Variants in TBC1D23 observed in about 807,000 individuals in gnomAD.
TBC1D23 encodes HCV non-structural protein 4A-transactivated protein 1.
A neutral mutation model predicts 91.4 loss-of-function variants in TBC1D23; 55 were observed. That is an observed-to-expected ratio of 0.60 (90% confidence interval 0.48 to 0.75). The LOEUF (loss-of-function observed/expected upper bound fraction) is 0.75, where lower values mean the gene tolerates loss of function less well. TBC1D23 is among the 30% of genes least tolerant of loss of function. The pLI is 0.00. For missense variants in TBC1D23, 725 were observed against 836.1 expected, an observed-to-expected ratio of 0.87 and a Z score of 1.64; for synonymous variants, 289 against 281.0, an observed-to-expected ratio of 1.03 and a Z score of -0.28.
At chr3:100,279,476 A>ATT (rs1481131315) in intron 1 of TBC1D23, 173 bp from the exon 2 acceptor site, 1 of 457,850 alleles carries the variant, frequency 2.2e-6, no homozygotes, top group Non-Finnish European at 4.0e-6. Context: ...GACTGTATGA[A>ATT]GCCTGAGATT....
chr3:100,316,289 G>C, intron 16 of TBC1D23, 102 bp downstream of exon 16: 1 of 807,238 alleles, frequency 1.2e-6, no homozygotes, highest in South Asian at 1.5e-5. Context: ...AAAAAAATGA[G>C]ATTCTGTAGA....
intron 1 of TBC1D23, among the ~76,000 whole-genome samples, chr3:100,278,703 G>A (rs2067670587): frequency 6.6e-6 from 1 of 152,024 alleles, no homozygotes; most frequent in South Asian, 2.1e-4. Flanking sequence ...AATTTAACTG[G>A]TTATTTTCTG....
intron 2 of TBC1D23, among the ~76,000 whole-genome samples, chr3:100,280,292 G>A (rs768534082): frequency 6.6e-6 from 1 of 152,042 alleles, no homozygotes; most frequent in African/African-American, 2.4e-5. Flanking sequence ...CAATCAGTGA[G>A]TAAAATAGGA....
intron 9 of TBC1D23, among the ~76,000 whole-genome samples, chr3:100,298,616 C>A (rs3772696): frequency 0.24 from 35,992 of 152,054 alleles, 4,686 homozygotes; most frequent in East Asian, 0.49. Context: ...GGGAAAATAG[C>A]CTTTTATGGT....
chr3:100,320,611 T>C (rs1386075479), intron 17 of TBC1D23, among the ~76,000 whole-genome samples, 166 bp from the exon 18 acceptor site: 1 of 152,198 alleles, frequency 6.6e-6, no homozygotes, highest in East Asian at 1.9e-4. Context: ...TTAAAAGGTG[T>C]TAATGTGTAG....
intron 18 of TBC1D23, 54 bp downstream of exon 18, chr3:100,321,025 T>A: frequency 3.1e-6 from 4 of 1,286,514 alleles, no homozygotes; most frequent in Non-Finnish European, 4.3e-6. Context: ...TCTGAATTAC[T>A]GTAGTTCACT....
At chr3:100,320,082 C>G (rs909636567) in intron 17 of TBC1D23, among the ~76,000 whole-genome samples, 2 of 152,036 alleles carry the variant, frequency 1.3e-5, no homozygotes, top group African/African-American at 4.8e-5. Context: ...TGTTATGTGT[C>G]TTTAGTCTCA....
chr3:100,316,396 G>A (rs1705745432), intron 16 of TBC1D23, among the ~76,000 whole-genome samples: 2 of 152,040 alleles, frequency 1.3e-5, no homozygotes, highest in African/African-American at 2.4e-5. Flanking sequence ...CATGGCACAT[G>A]TATACATATG....
chr3:100,296,860 CAAAAAAA>C (rs71625559), intron 8 of TBC1D23, among the ~76,000 whole-genome samples: 4 of 86,664 alleles, frequency 4.6e-5, no homozygotes, highest in South Asian at 3.7e-4. Flanking sequence ...GACTCTGTCT[CAAAAAAA>C]AAAAAAAAAA....
intron 15 of TBC1D23, among the ~76,000 whole-genome samples, chr3:100,312,541 G>A (rs1008331792): frequency 6.6e-6 from 1 of 152,030 alleles, no homozygotes; most frequent in African/African-American, 2.4e-5. Context: ...AAGACAATAA[G>A]TTTAAGGTTT....
chr3:100,314,818 C>T (rs1705704624), intron 15 of TBC1D23, among the ~76,000 whole-genome samples: 1 of 152,066 alleles, frequency 6.6e-6, no homozygotes, highest in South Asian at 2.1e-4. Context: ...AGGCATGTAA[C>T]TTGATTTTTT....
intron 1 of TBC1D23, among the ~76,000 whole-genome samples, chr3:100,269,380 A>T (rs745619563): frequency 9.9e-5 from 15 of 152,200 alleles, no homozygotes; most frequent in Admixed American, 9.8e-4. Flanking sequence ...CCCTTGGCAT[A>T]TAAATTTGTA....
At position 100,324,129 on chromosome 3, in the gene TBC1D23, A is replaced by G. The variant is rs1415387948; in HGVS notation, c.*461A>G. ...TCACTGAGCAATATCAGAAACTAAA[A>G]CATAGATTAATAATTCACTCACTGT... On this transcript the variant is annotated 3_prime_UTR_variant, in exon 19 of 19. Transcript: ENST00000394144. The G allele has an allele frequency of 1.3e-5, 2 of 152,108 alleles. No homozygotes were observed. Among genetic ancestry groups the G allele is most frequent in the Non-Finnish European group, 2.9e-5 (2 of 68,028 alleles). The allele number at this position is 152,108 out of a possible 1,614,324, so 9.4% of individuals were successfully genotyped here.
intron 1 of TBC1D23, among the ~76,000 whole-genome samples, chr3:100,273,683 T>A (rs1363128245): frequency 6.6e-6 from 1 of 152,072 alleles, no homozygotes; most frequent in Admixed American, 6.5e-5. Flanking sequence ...CATAGACCAG[T>A]GGAACAGAAC....
chr3:100,308,621 T>C (rs1181767036), intron 13 of TBC1D23, among the ~76,000 whole-genome samples: 1 of 152,230 alleles, frequency 6.6e-6, no homozygotes, highest in Non-Finnish European at 1.5e-5. Flanking sequence ...CATCAAACCC[T>C]TTTTAGTGAA....
chr3:100,292,009 C>G (rs1175302207), intron 5 of TBC1D23, among the ~76,000 whole-genome samples: 1 of 152,132 alleles, frequency 6.6e-6, no homozygotes, highest in Non-Finnish European at 1.5e-5. Flanking sequence ...AGGTGATCTG[C>G]TCACTTCAGC....
At chr3:100,272,060 T>TTA (rs1483908797) in intron 1 of TBC1D23, among the ~76,000 whole-genome samples, 2 of 152,214 alleles carry the variant, frequency 1.3e-5, no homozygotes, top group Admixed American at 1.3e-4. Flanking sequence ...GGGAGGATAC[T>TTA]TACTCCCTCA....
intron 1 of TBC1D23, among the ~76,000 whole-genome samples, chr3:100,274,221 G>A (rs1247752361): frequency 6.6e-6 from 1 of 152,114 alleles, no homozygotes; most frequent in Non-Finnish European, 1.5e-5. Flanking sequence ...ATGTAGCCAA[G>A]CATTGCCCTG....
At chr3:100,297,838 C>T in intron 8 of TBC1D23, 85 bp from the exon 9 acceptor site, 2 of 1,176,370 alleles carry the variant, frequency 1.7e-6, no homozygotes, top group Non-Finnish European at 1.2e-6. Context: ...ATAATTTTAC[C>T]TTTTATCATG....
Sources: gnomAD v4.1 joint callset for allele counts (sites outside exome capture counted in the v4.1 genomes callset) on GRCh38, gnomAD v4.1.1 for gene constraint, MANE v1.5 for transcripts, NCBI Gene and HGNC (gene_info 2026-07-23, HGNC 2026-07-21) for gene names.